The following XPO7 variants were observed in gnomAD, a reference collection of about 807,000 sequenced individuals.
The protein encoded by XPO7 is exportin 7.
XPO7 carries 21 observed loss-of-function variants against 144.3 expected under a neutral mutation model. The observed-to-expected ratio is 0.15, with a 90% CI of 0.10 to 0.21. XPO7 has a LOEUF of 0.21. Ranked by LOEUF, XPO7 falls within the 10% of genes least tolerant of loss-of-function variation. The pLI is 1.00. For synonymous variants in XPO7, 580 were observed against 499.6 expected (o/e 1.16, Z -2.15); for missense variants, 808 against 1,325.8 (o/e 0.61, Z 6.06).
At chr8:21,932,911 T>C (rs1453820433) in intron 1 of XPO7, among the ~76,000 whole-genome samples, 1 of 152,152 alleles carries the variant, frequency 6.6e-6, no homozygotes, top group Non-Finnish European at 1.5e-5. Flanking sequence ...AATATTCACA[T>C]TGACCTCTGT....
chr8:21,974,386 G>A (rs188087040), intron 5 of XPO7, among the ~76,000 whole-genome samples: 4 of 152,082 alleles, frequency 2.6e-5, no homozygotes, highest in Non-Finnish European at 5.9e-5. Flanking sequence ...AACAATTTAA[G>A]TTTTACCTCC....
chr8:21,953,020 CCT>C (rs1265885684), intron 1 of XPO7, among the ~76,000 whole-genome samples: 3 of 151,886 alleles, frequency 2.0e-5, no homozygotes, highest in African/African-American at 2.4e-5. Flanking sequence ...CGCCCCTCCC[CCT>C]CTCTCCCCAC....
intron 1 of XPO7, among the ~76,000 whole-genome samples, chr8:21,934,305 G>A (rs1315395898): frequency 6.6e-6 from 1 of 152,116 alleles, no homozygotes; most frequent in African/African-American, 2.4e-5. Flanking sequence ...AGGCCGAGGT[G>A]GGCGGATCAC....
chr8:21,934,393 C>T (rs1490671311), intron 1 of XPO7, among the ~76,000 whole-genome samples: 4 of 151,864 alleles, frequency 2.6e-5, no homozygotes, highest in Non-Finnish European at 5.9e-5. Flanking sequence ...ATTAGCCGGG[C>T]GTGGTGGCGC....
chr8:21,959,258 G>C (rs967936614), intron 1 of XPO7, among the ~76,000 whole-genome samples: 1 of 152,106 alleles, frequency 6.6e-6, no homozygotes. Flanking sequence ...TTTTGTGTGC[G>C]CTCATGCAAG....
intron 21 of XPO7, among the ~76,000 whole-genome samples, chr8:21,996,116 A>G (rs1249881426): frequency 1.3e-5 from 2 of 152,156 alleles, no homozygotes; most frequent in Non-Finnish European, 2.9e-5. Context: ...CGCCCATCTA[A>G]TAAGTCACTT....
intron 1 of XPO7, among the ~76,000 whole-genome samples, chr8:21,942,164 G>T (rs1036291643): frequency 6.6e-6 from 1 of 152,130 alleles, no homozygotes; most frequent in East Asian, 1.9e-4. Flanking sequence ...TAGATCTTTT[G>T]TAAGTCCTAC....
intron 1 of XPO7, among the ~76,000 whole-genome samples, chr8:21,927,538 CTTTTTTTTTT>C (rs576510771): frequency 1.7e-5 from 2 of 120,558 alleles, no homozygotes. Context: ...AAAAACCAAC[CTTTTTTTTTT>C]TTTTTTTTTT....
intron 1 of XPO7, among the ~76,000 whole-genome samples, chr8:21,960,073 AG>A (rs1216074106): frequency 6.6e-6 from 1 of 152,166 alleles, no homozygotes; most frequent in African/African-American, 2.4e-5. Context: ...CAGGAGAGCA[AG>A]GGGAGAAAAC....
intron 9 of XPO7, 138 bp from the exon 10 acceptor site, chr8:21,981,590 TATC>T: frequency 1.0e-6 from 1 of 988,028 alleles, no homozygotes; most frequent in Non-Finnish European, 1.5e-6. Context: ...TATGCAGACG[TATC>T]ATTCTGAATC....
At chr8:21,938,969 T>G (rs1400896677) in intron 1 of XPO7, among the ~76,000 whole-genome samples, 1 of 152,196 alleles carries the variant, frequency 6.6e-6, no homozygotes, top group Non-Finnish European at 1.5e-5. Context: ...AAAATTATCT[T>G]TTTGGGAAAG....
chr8:21,980,137 T>C lies in XPO7; in HGVS notation c.891T>C (p.Asn297=), dbSNP rs1252437060. 1 of 1,606,230 alleles carries C rather than the reference T, an allele frequency of 6.2e-7. No homozygotes were observed. Residue 297 remains asparagine, a synonymous_variant, in exon 9 of 28, where the codon AAT becomes AAC. Transcript: ENST00000252512. The part of the protein sequence containing the change: ...IASVRRSLFN[N]AERAKFLSHL... ...CAGTCAGAAGATCCCTGTTTAACAA[T>C]GCAGAGAGGGCCAAGTTTCTCTCTC... is the stretch of plus-strand genomic sequence containing the variant.
chr8:21,944,148 A>G (rs1181390014), intron 1 of XPO7, among the ~76,000 whole-genome samples: 1 of 152,246 alleles, frequency 6.6e-6, no homozygotes, highest in South Asian at 2.1e-4. Context: ...ACTGACAGCT[A>G]GGAACAAGGT....
At chr8:21,974,183 C>T (rs908435155) in intron 5 of XPO7, among the ~76,000 whole-genome samples, 13 of 151,832 alleles carry the variant, frequency 8.6e-5, no homozygotes, top group African/African-American at 2.9e-4. Flanking sequence ...ACCACCACAC[C>T]GATTTTTTTA....
intron 1 of XPO7, among the ~76,000 whole-genome samples, 171 bp from the exon 2 acceptor site, chr8:21,966,686 A>G (rs544905212): frequency 2.1e-4 from 32 of 152,344 alleles, no homozygotes; most frequent in African/African-American, 7.5e-4. Flanking sequence ...TATAGCATCA[A>G]ATAAAGAGAC....
intron 26 of XPO7, 70 bp from the exon 27 acceptor site, chr8:22,003,833 T>G: frequency 6.2e-7 from 1 of 1,601,648 alleles, no homozygotes. Context: ...TCTTCAACCC[T>G]GCAGATGACG....
chr8:22,005,959 C>CAG lies in XPO7; in HGVS notation c.*875_*876dup, dbSNP rs1233490754. 6.6e-6 allele frequency: 1 copy of CAG among 152,210 alleles called. No individual in the cohort carries two copies. Among genetic ancestry groups the CAG allele is most frequent in the Non-Finnish European group, 1.5e-5 (1 of 68,056 alleles). 9.4% of individuals were successfully genotyped at this position (152,210 alleles called of 1,614,324 possible). A position where few individuals can be genotyped will look rare whatever the true frequency, so the allele number is the denominator to read the frequency against. On this transcript the variant is annotated 3_prime_UTR_variant, in exon 28 of 28. Transcript: ENST00000252512. ...GTAGGGTTCTTGGTCTGTGTGAAGGCAGAGACCAGAGAGAAGGAAGTGAGC... is the reference window on the plus strand; with the variant it reads ...GTAGGGTTCTTGGTCTGTGTGAAGGCAGAGAGACCAGAGAGAAGGAAGTGAGC...
intron 1 of XPO7, among the ~76,000 whole-genome samples, chr8:21,929,549 A>G (rs1265712148): frequency 1.3e-5 from 2 of 152,262 alleles, no homozygotes; most frequent in Admixed American, 6.5e-5. Context: ...ACTGTTTTAC[A>G]GATGAGATGG....
rs1176777645 is a variant in XPO7 at position 21,933,574 on chromosome 8, A to G, written c.18+13786A>G. On this transcript the variant is annotated intron_variant, in intron 1 of 27. Coordinates refer to ENST00000252512, the MANE Select transcript of XPO7 (RefSeq NM_015024.5). ...AATATTACCCTGACTCTTGTTTTTA[A>G]ACAGAGACAGCATGATTCTATTAAC... Among the ~76,000 whole-genome samples, 7 of 152,158 alleles carry G rather than the reference A, an allele frequency of 4.6e-5. No homozygotes were observed. In the East Asian group the frequency reaches 1.3e-3, roughly 29 times the overall value.
Sources: gnomAD v4.1 joint callset for allele counts (sites outside exome capture counted in the v4.1 genomes callset) on GRCh38, gnomAD v4.1.1 for gene constraint, MANE v1.5 for transcripts, NCBI Gene and HGNC (gene_info 2026-07-23, HGNC 2026-07-21) for gene names.